The following CNTNAP2 variants were observed in gnomAD, a reference collection of about 807,000 sequenced individuals.
CNTNAP2 encodes the protein contactin-associated protein-like 2.
Under a neutral mutation model 155.2 loss-of-function variants are expected in CNTNAP2, and 98 were observed. The observed-to-expected ratio is 0.63, with a 90% CI of 0.54 to 0.75. The LOEUF is 0.75. CNTNAP2 is among the 30% of genes least tolerant of loss of function. CNTNAP2 has a pLI of 0.00. For synonymous variants in CNTNAP2, 651 were observed against 631.2 expected (o/e 1.03, Z -0.47); for missense variants, 1,727 against 1,688.1 (o/e 1.02, Z -0.40).
chr7:147,236,568 T>C (rs1803810030), intron 8 of CNTNAP2, among the ~76,000 whole-genome samples: 1 of 151,996 alleles, frequency 6.6e-6, no homozygotes, highest in Admixed American at 6.5e-5. Flanking sequence ...AATTTTTTTT[T>C]CTTTTTGGTT....
At chr7:146,713,019 C>T (rs1447597402) in intron 1 of CNTNAP2, among the ~76,000 whole-genome samples, 1 of 152,064 alleles carries the variant, frequency 6.6e-6, no homozygotes, top group Non-Finnish European at 1.5e-5. Flanking sequence ...TGATAATCTT[C>T]ACCTTAAGAT....
At chr7:146,292,744 A>G (rs1800451633) in intron 1 of CNTNAP2, among the ~76,000 whole-genome samples, 1 of 152,192 alleles carries the variant, frequency 6.6e-6, no homozygotes, top group African/African-American at 2.4e-5. Flanking sequence ...GAAATTGGAA[A>G]ACGTTTTGCT....
chr7:146,532,021 G>T (rs892932981), intron 1 of CNTNAP2, among the ~76,000 whole-genome samples: 1 of 151,598 alleles, frequency 6.6e-6, no homozygotes, highest in Non-Finnish European at 1.5e-5. Flanking sequence ...ATTAAAAAAA[G>T]AAAAATAAAA....
intron 9 of CNTNAP2, among the ~76,000 whole-genome samples, chr7:147,391,729 G>A (rs1403373149): frequency 5.3e-5 from 8 of 152,108 alleles, no homozygotes; most frequent in East Asian, 1.9e-4. Context: ...CTCATGGAGT[G>A]TCTCCCTGAG....
chr7:146,312,036 G>A (rs943150856), intron 1 of CNTNAP2, among the ~76,000 whole-genome samples: 6 of 152,070 alleles, frequency 3.9e-5, no homozygotes, highest in Admixed American at 1.3e-4. Flanking sequence ...AGAGAAGACC[G>A]TATCATTTCC....
At chr7:146,922,404 A>C (rs1286424838) in intron 3 of CNTNAP2, among the ~76,000 whole-genome samples, 1 of 152,140 alleles carries the variant, frequency 6.6e-6, no homozygotes, top group Non-Finnish European at 1.5e-5. Flanking sequence ...TATATACAAT[A>C]CAAAAAAGTC....
intron 10 of CNTNAP2, among the ~76,000 whole-genome samples, chr7:147,413,856 T>A (rs1367123115): frequency 6.6e-6 from 1 of 152,196 alleles, no homozygotes. Context: ...ATCAGTGATG[T>A]GGGCCTTTGG....
intron 1 of CNTNAP2, among the ~76,000 whole-genome samples, chr7:146,172,714 A>G (rs1172927050): frequency 6.6e-6 from 1 of 152,172 alleles, no homozygotes; most frequent in Non-Finnish European, 1.5e-5. Context: ...ATTAGCAACC[A>G]TGTGTAGTAC....
chr7:146,193,442 G>A (rs1047480987), intron 1 of CNTNAP2, among the ~76,000 whole-genome samples: 2 of 152,170 alleles, frequency 1.3e-5, no homozygotes, highest in Non-Finnish European at 2.9e-5. Context: ...CTTGACTTCC[G>A]TGCATTCACA....
In CNTNAP2 at chr7:147,869,330, T is replaced by C. The variant is rs376903679; in HGVS notation, c.2099-34235T>C. Among the ~76,000 whole-genome samples, 49 of 152,292 alleles carry C rather than the reference T, an allele frequency of 3.2e-4. 1 individual carries two copies. The highest frequency in any genetic ancestry group is 1.0e-3 in the African/African-American group (42 of 41,562). On this transcript the variant is annotated intron_variant, in intron 13 of 23. Transcript: ENST00000361727. ...TCGAAGGTATAAAGTAGGATGATAG[T>C]GTATAGTTTGATCATGAGATATTGC...
chr7:146,426,331 G>A (rs1181431574), intron 1 of CNTNAP2, among the ~76,000 whole-genome samples: 5 of 150,008 alleles, frequency 3.3e-5, no homozygotes, highest in Non-Finnish European at 7.4e-5. Flanking sequence ...TTAGGCTCAC[G>A]TTTGCCTCAG....
chr7:147,289,424 C>T (rs1010680569), intron 8 of CNTNAP2, among the ~76,000 whole-genome samples: 1 of 145,872 alleles, frequency 6.9e-6, no homozygotes, highest in African/African-American at 2.5e-5. Flanking sequence ...ACAGGAGAGA[C>T]AATTGGGGAG....
intron 1 of CNTNAP2, among the ~76,000 whole-genome samples, chr7:146,523,921 AT>A (rs762425341): frequency 1.8e-4 from 27 of 152,146 alleles, no homozygotes; most frequent in Admixed American, 3.9e-4. Context: ...ATTACATTTA[AT>A]TTTCCTTGTT....
chr7:147,577,737 A>G (rs908237085), intron 12 of CNTNAP2, among the ~76,000 whole-genome samples: 2 of 151,682 alleles, frequency 1.3e-5, no homozygotes, highest in African/African-American at 4.8e-5. Flanking sequence ...GAGATCAGAG[A>G]AAAAAAATGA....
intron 11 of CNTNAP2, among the ~76,000 whole-genome samples, chr7:147,551,480 T>A (rs1378514371): frequency 1.3e-5 from 2 of 152,234 alleles, no homozygotes; most frequent in African/African-American, 4.8e-5. Context: ...TTGATTCTGA[T>A]TCTGAGATGA....
At chr7:148,216,805 G>A (rs1350064422) in intron 18 of CNTNAP2, among the ~76,000 whole-genome samples, 1 of 152,166 alleles carries the variant, frequency 6.6e-6, no homozygotes, top group African/African-American at 2.4e-5. Context: ...AAGGGACCTG[G>A]TTGGAAGTAA....
At chr7:146,782,209 G>C (rs149613219) in intron 2 of CNTNAP2, 1 of 152,070 alleles carries the variant, frequency 6.6e-6, no homozygotes, top group African/African-American at 2.4e-5. Context: ...TCACTCACAG[G>C]TAATTCATTA....
At chr7:147,347,457 C>G (rs1359551913) in intron 9 of CNTNAP2, among the ~76,000 whole-genome samples, 1 of 50,004 alleles carries the variant, frequency 2.0e-5, no homozygotes, top group Non-Finnish European at 4.6e-5. Context: ...TATATATATG[C>G]ATATATATAT....
chr7:146,149,643 A>G (rs569945004), intron 1 of CNTNAP2, among the ~76,000 whole-genome samples: 108 of 152,274 alleles, frequency 7.1e-4, no homozygotes, highest in African/African-American at 2.5e-3. Context: ...AAAGTGATGT[A>G]ATGGAGAAAG....
Sources: allele counts gnomAD v4.1 joint callset (sites outside exome capture counted in the v4.1 genomes callset), GRCh38; gene constraint gnomAD v4.1.1; transcripts MANE v1.5; gene names NCBI Gene and HGNC (gene_info 2026-07-23, HGNC 2026-07-21).